Variants in PRKG1 observed in about 807,000 individuals in gnomAD.
PRKG1 encodes the protein cGMP-dependent protein kinase 1.
Under a neutral mutation model 88.1 loss-of-function variants are expected in PRKG1, and 35 were observed. The ratio of observed to expected loss-of-function variants is 0.40; its 90% CI spans 0.30 to 0.53. The LOEUF is 0.53. Among genes scored for constraint, PRKG1 ranks in the 20% least tolerant of loss-of-function variants. PRKG1 has a pLI of 0.59. For missense variants in PRKG1, 540 were observed against 839.8 expected (o/e 0.64, Z 4.41); for synonymous variants, 303 against 292.5 (o/e 1.04, Z -0.37).
At chr10:51,112,815 T>A (rs886077437) in intron 1 of PRKG1, among the ~76,000 whole-genome samples, 3 of 152,192 alleles carry the variant, frequency 2.0e-5, no homozygotes, top group African/African-American at 7.2e-5. Context: ...GTGTCGACCA[T>A]GTTAACTAAT....
chr10:51,294,992 A>G (rs1370196694), intron 2 of PRKG1, among the ~76,000 whole-genome samples: 1 of 151,828 alleles, frequency 6.6e-6, no homozygotes, highest in East Asian at 1.9e-4. Flanking sequence ...CTGAGGGGGG[A>G]GGATTGCTTG....
Position 51,374,093 on chromosome 10 carries a change from A to AAAAAT in PRKG1, c.479-93629_479-93628insAAATA. ...GCTGGCAGAGGTTGCAAAAAAAAAA[A>AAAAAT]ATATATATATATATATATATGTACT... On this transcript the variant is annotated intron_variant, in intron 2 of 17. Transcript: ENST00000373980. Among the ~76,000 whole-genome samples, 39 of 100,148 alleles carry AAAAAT rather than the reference A, an allele frequency of 3.9e-4. 1 individual carries two copies. Among genetic ancestry groups the AAAAAT allele is most frequent in the Middle Eastern group, 6.3e-3 (1 of 160 alleles). The allele number at this position is 100,148 out of a possible 152,430, so 65.7% of individuals were successfully genotyped here. A position where few individuals can be genotyped will look rare whatever the true frequency, so the allele number is the denominator to read the frequency against.
At chr10:51,188,992 T>C (rs1837566197) in intron 2 of PRKG1, among the ~76,000 whole-genome samples, 1 of 151,928 alleles carries the variant, frequency 6.6e-6, no homozygotes, top group Non-Finnish European at 1.5e-5. Context: ...GCTGCACTAA[T>C]GTATCACTGG....
chr10:51,458,199 A>G (rs1352546121), intron 2 of PRKG1, among the ~76,000 whole-genome samples: 1 of 152,188 alleles, frequency 6.6e-6, no homozygotes, highest in Non-Finnish European at 1.5e-5. Context: ...AACAATTCTC[A>G]TGGTAGGAAA....
intron 7 of PRKG1, among the ~76,000 whole-genome samples, chr10:52,074,202 A>T (rs748633615): frequency 1.3e-5 from 2 of 152,182 alleles, no homozygotes; most frequent in Non-Finnish European, 2.9e-5. Flanking sequence ...GTAAGTTGGG[A>T]AATTGGTTTT....
intron 2 of PRKG1, among the ~76,000 whole-genome samples, chr10:51,344,738 C>A (rs1330843420): frequency 3.3e-5 from 5 of 151,990 alleles, no homozygotes; most frequent in African/African-American, 1.2e-4. Flanking sequence ...TATTACTGCC[C>A]AGATTGCCTT....
At chr10:51,841,030 G>C (rs1589341920) in intron 4 of PRKG1, among the ~76,000 whole-genome samples, 1 of 152,166 alleles carries the variant, frequency 6.6e-6, no homozygotes, top group Non-Finnish European at 1.5e-5. Context: ...ACCAATAGAT[G>C]AATGATTTCG....
intron 3 of PRKG1, among the ~76,000 whole-genome samples, chr10:51,544,252 G>A (rs1842390523): frequency 8.1e-6 from 1 of 123,036 alleles, no homozygotes; most frequent in African/African-American, 3.1e-5. Context: ...TCCCCACCCT[G>A]TGTCCAAGTG....
chr10:51,184,360 A>G (rs997477680), intron 2 of PRKG1, among the ~76,000 whole-genome samples: 3 of 152,256 alleles, frequency 2.0e-5, no homozygotes, highest in African/African-American at 2.4e-5. Context: ...TGTTCTTACC[A>G]GATTTGAGAA....
chr10:52,245,648 G>C (rs368843655), intron 9 of PRKG1, among the ~76,000 whole-genome samples: 1 of 151,990 alleles, frequency 6.6e-6, no homozygotes. Flanking sequence ...AGAATTGATC[G>C]ATCTAAACTC....
chr10:51,688,098 T>C (rs904438456), intron 3 of PRKG1, among the ~76,000 whole-genome samples: 11 of 152,200 alleles, frequency 7.2e-5, no homozygotes, highest in Non-Finnish European at 7.3e-5. Flanking sequence ...TGTCATAATA[T>C]TAATTTTATG....
intron 3 of PRKG1, among the ~76,000 whole-genome samples, chr10:51,604,881 A>G (rs890555164): frequency 2.0e-5 from 3 of 152,204 alleles, no homozygotes; most frequent in Non-Finnish European, 4.4e-5. Flanking sequence ...AGTCAGCTCA[A>G]TAGACCCTCT....
At position 52,184,317 on chromosome 10, in the gene PRKG1, G is replaced by A. The variant is rs562349224; in HGVS notation, c.1076+22354G>A. Among the ~76,000 whole-genome samples the A allele has an allele frequency of 7.9e-5, 12 of 152,184 alleles. No homozygotes were observed. In the South Asian group the frequency reaches 2.5e-3, roughly 32 times the overall value. ...TATGGTTCAACCTATGATTTTATAA[G>A]TAATTTCTGCTGTTGTGATTACTGC... On this transcript the variant is annotated intron_variant, in intron 9 of 17. Transcript: ENST00000373980.
chr10:52,163,387 C>A (rs1838334330), intron 9 of PRKG1, among the ~76,000 whole-genome samples: 1 of 150,000 alleles, frequency 6.7e-6, no homozygotes, highest in Non-Finnish European at 1.5e-5. Context: ...CATGTATATG[C>A]ATATACATAT....
At chr10:51,166,683 T>C (rs1419182147) in intron 2 of PRKG1, among the ~76,000 whole-genome samples, 1 of 152,160 alleles carries the variant, frequency 6.6e-6, no homozygotes. Flanking sequence ...GCACATGAAA[T>C]AGGAAAAATA....
intron 10 of PRKG1, chr10:52,252,323 A>T (rs1377860552): frequency 6.6e-6 from 1 of 152,130 alleles, no homozygotes; most frequent in Admixed American, 6.6e-5. Context: ...ATGAAAACGT[A>T]CTCTACTTTG....
At chr10:51,579,311 T>C (rs1190930576) in intron 3 of PRKG1, among the ~76,000 whole-genome samples, 12 of 152,040 alleles carry the variant, frequency 7.9e-5, no homozygotes, top group Admixed American at 7.9e-4. Flanking sequence ...GATGTCTTAG[T>C]AATTCTGGGG....
intron 8 of PRKG1, among the ~76,000 whole-genome samples, chr10:52,146,750 G>T (rs898630812): frequency 1.3e-5 from 2 of 152,092 alleles, no homozygotes; most frequent in African/African-American, 2.4e-5. Context: ...ATTTTGTAAA[G>T]AATTCTCTGT....
At chr10:51,391,121 T>C (rs1837385272) in intron 2 of PRKG1, among the ~76,000 whole-genome samples, 1 of 152,190 alleles carries the variant, frequency 6.6e-6, no homozygotes, top group Admixed American at 6.5e-5. Flanking sequence ...TGGCTTATTC[T>C]AGAACCTAGT....
Sources: allele counts gnomAD v4.1 joint callset (sites outside exome capture counted in the v4.1 genomes callset), GRCh38; gene constraint gnomAD v4.1.1; transcripts MANE v1.5; gene names NCBI Gene and HGNC (gene_info 2026-07-23, HGNC 2026-07-21).